Variants in UBE3C observed in about 807,000 individuals in gnomAD.
UBE3C encodes ubiquitin-protein ligase E3C.
A neutral mutation model predicts 129.4 loss-of-function variants in UBE3C; 42 were observed. The observed-to-expected ratio is 0.32, with a 90% CI of 0.25 to 0.42. The LOEUF is 0.42. Among genes scored for constraint, UBE3C ranks in the 10% least tolerant of loss-of-function variants. The pLI is 1.00. For synonymous variants in UBE3C, 510 were observed against 492.4 expected (o/e 1.04, Z -0.47); for missense variants, 1,049 against 1,319.1 (o/e 0.80, Z 3.17).
At chr7:157,189,520 G>C (rs1808896175) in intron 10 of UBE3C, among the ~76,000 whole-genome samples, 1 of 152,144 alleles carries the variant, frequency 6.6e-6, no homozygotes, top group Admixed American at 6.6e-5. Context: ...GGCATACGTG[G>C]GGTTTTTAGT....
chr7:157,168,307 A>G (rs944573488), intron 2 of UBE3C, among the ~76,000 whole-genome samples: 3 of 149,368 alleles, frequency 2.0e-5, no homozygotes, highest in Non-Finnish European at 3.0e-5. Flanking sequence ...GCTGAGATCA[A>G]GTGGGCGACA....
intron 18 of UBE3C, among the ~76,000 whole-genome samples, chr7:157,246,899 C>CT (rs111443798): frequency 5.0e-4 from 76 of 152,186 alleles, no homozygotes; most frequent in African/African-American, 1.8e-3. Context: ...GATATTTTCT[C>CT]TTTTTTTGAG....
chr7:157,163,642 A>G (rs1563034738), intron 1 of UBE3C, among the ~76,000 whole-genome samples, 168 bp from the exon 2 acceptor site: 1 of 152,198 alleles, frequency 6.6e-6, no homozygotes. Context: ...CCTCTGGGAA[A>G]CCATTTAACT....
intron 19 of UBE3C, among the ~76,000 whole-genome samples, chr7:157,251,441 A>G (rs1276033970): frequency 6.6e-6 from 1 of 152,234 alleles, no homozygotes; most frequent in African/African-American, 2.4e-5. Flanking sequence ...TTAGGTAGAA[A>G]AGATTGGACT....
chr7:157,254,653 C>A (rs967100990), intron 21 of UBE3C, among the ~76,000 whole-genome samples: 2 of 152,056 alleles, frequency 1.3e-5, no homozygotes, highest in Non-Finnish European at 2.9e-5. Context: ...CCCCCTCAGC[C>A]TCCCCAAAGT....
chr7:157,229,195 A>G (rs980059937), intron 17 of UBE3C, among the ~76,000 whole-genome samples: 1 of 152,198 alleles, frequency 6.6e-6, no homozygotes, highest in Non-Finnish European at 1.5e-5. Flanking sequence ...CCTGTAGAAC[A>G]TTCTTAGGGA....
Position 157,239,263 on chromosome 7 carries a change from A to G in UBE3C, c.2481+7936A>G, listed in dbSNP as rs1474786542. ...TGTAGGATATTCACAAGACTTACTGAATGAACAGACTACAGCTACTCAAAA... is the reference window on the plus strand; with the variant it reads ...TGTAGGATATTCACAAGACTTACTGGATGAACAGACTACAGCTACTCAAAA... On this transcript the variant is annotated intron_variant, in intron 18 of 22. Transcript: ENST00000348165. 2.6e-5 allele frequency among the ~76,000 whole-genome samples: 4 copies of G among 152,236 alleles called. No homozygotes were observed. The East Asian group carries it at 7.7e-4, about 29-fold the overall frequency.
intron 19 of UBE3C, among the ~76,000 whole-genome samples, chr7:157,252,110 T>TG (rs1417189324): frequency 1.3e-5 from 2 of 151,842 alleles, no homozygotes; most frequent in African/African-American, 2.4e-5. Flanking sequence ...CACTCCAGTG[T>TG]GGGTGACAGA....
chr7:157,151,236 A>C (rs1397656532), intron 1 of UBE3C, among the ~76,000 whole-genome samples: 2 of 152,226 alleles, frequency 1.3e-5, no homozygotes, highest in African/African-American at 4.8e-5. Flanking sequence ...GCTGCAAAAC[A>C]AATACGCTGT....
intron 9 of UBE3C, among the ~76,000 whole-genome samples, chr7:157,185,670 C>T (rs1808785029): frequency 6.6e-6 from 1 of 152,158 alleles, no homozygotes; most frequent in Admixed American, 6.5e-5. Context: ...AAAGTTCACC[C>T]TTGATAAGCT....
At chr7:157,192,718 G>A (rs549223458) in intron 10 of UBE3C, 14 of 832,066 alleles carry the variant, frequency 1.7e-5, no homozygotes, top group Middle Eastern at 3.4e-4. Flanking sequence ...TGCCTTCGTC[G>A]AGAGTGCCCT....
chr7:157,255,264 T>G (rs1796722717), intron 21 of UBE3C, among the ~76,000 whole-genome samples: 1 of 152,164 alleles, frequency 6.6e-6, no homozygotes, highest in African/African-American at 2.4e-5. Flanking sequence ...AAAATGCCAC[T>G]TACATCCAAA....
At chr7:157,163,494 A>G (rs1376191891) in intron 1 of UBE3C, among the ~76,000 whole-genome samples, 1 of 152,146 alleles carries the variant, frequency 6.6e-6, no homozygotes, top group African/African-American at 2.4e-5. Context: ...TGTCACAGCT[A>G]GAACTCTGAC....
At chr7:157,170,271 T>C (rs369247139) in intron 3 of UBE3C, 33 bp from the exon 4 acceptor site, 30 of 1,441,778 alleles carry the variant, frequency 2.1e-5, no homozygotes, top group Non-Finnish European at 2.7e-5. Context: ...AAATACTATA[T>C]TTATGGGTCA....
intron 17 of UBE3C, among the ~76,000 whole-genome samples, chr7:157,228,668 A>G (rs1253412732): frequency 6.6e-6 from 1 of 152,248 alleles, no homozygotes; most frequent in East Asian, 1.9e-4. Flanking sequence ...ACACTGACCC[A>G]GAGGTGGCGG....
At chr7:157,216,101 T>C (rs1795559259) in intron 13 of UBE3C, among the ~76,000 whole-genome samples, 1 of 152,242 alleles carries the variant, frequency 6.6e-6, no homozygotes, top group African/African-American at 2.4e-5. Flanking sequence ...GAGATCAGAC[T>C]CGATTTTTCT....
chr7:157,178,953 G>A (rs552163581), intron 6 of UBE3C, 106 bp downstream of exon 6: 47 of 1,391,714 alleles, frequency 3.4e-5, no homozygotes, highest in East Asian at 1.6e-4. Flanking sequence ...ATGTCAGAGC[G>A]GTACTGGTGT....
chr7:157,227,320 G>A (rs1045170336), intron 17 of UBE3C, among the ~76,000 whole-genome samples: 1 of 152,092 alleles, frequency 6.6e-6, no homozygotes, highest in Non-Finnish European at 1.5e-5. Flanking sequence ...TGTGGTCAGG[G>A]GTACTTGCAA....
intron 17 of UBE3C, among the ~76,000 whole-genome samples, chr7:157,226,695 G>A (rs1795887498): frequency 6.7e-6 from 1 of 149,746 alleles, no homozygotes; most frequent in Admixed American, 6.7e-5. Flanking sequence ...GCTGACATCA[G>A]TTGTTTCCTT....
Sources: allele counts gnomAD v4.1 joint callset (sites outside exome capture counted in the v4.1 genomes callset), GRCh38; gene constraint gnomAD v4.1.1; transcripts MANE v1.5; gene names NCBI Gene and HGNC (gene_info 2026-07-23, HGNC 2026-07-21).